CUL9: variants seen among roughly 807,000 people sequenced by gnomAD.
CUL9 encodes the protein cullin 9, also known as cullin-9.
A neutral mutation model predicts 272.6 loss-of-function variants in CUL9; 79 were observed. That is an observed-to-expected ratio of 0.29 (90% confidence interval 0.24 to 0.35). The LOEUF (loss-of-function observed/expected upper bound fraction) is 0.35, where lower values mean the gene tolerates loss of function less well. Ranked by LOEUF, CUL9 falls within the 10% of genes least tolerant of loss-of-function variation. The pLI is 1.00. For synonymous variants in CUL9, 1,186 were observed against 1,286.5 expected (o/e 0.92, Z 1.67); for missense variants, 2,532 against 3,255.6 (o/e 0.78, Z 5.41).
At position 43,195,966 on chromosome 6, in the gene CUL9, C is replaced by A. The variant is rs1371305786; in HGVS notation, c.2389-103C>A. ...TTCTGTCTCCTACTCTACCTATCTG[C>A]AAACAGCTCAGCTGCCCCAAAGTTT... On this transcript the variant is annotated intron_variant, in intron 9 of 40. Coordinates refer to ENST00000252050, the MANE Select transcript of CUL9 (RefSeq NM_015089.4). 2.0e-5 allele frequency: 18 copies of A among 907,178 alleles called. No homozygotes were observed. In the South Asian group the frequency reaches 2.6e-4, roughly 13 times the overall value. 56.2% of individuals were successfully genotyped at this position (907,178 alleles called of 1,614,324 possible).
chr6:43,187,386 G>A lies in CUL9; in HGVS notation c.1528G>A (p.Asp510Asn). The part of the protein sequence containing the change: ...WELLFFIKKL[D>N]LCEQQPIFQN... The stretch of plus-strand genomic sequence containing the variant: ...GCTGCTTTTCTTTATCAAAAAGTTG[G>A]ACTTGTGTGAGCAGCAGCCAATTTT... Residue 510 changes from aspartate to asparagine, a missense_variant, in exon 6 of 41, where the codon GAC (aspartate) becomes AAC (asparagine). Transcript: ENST00000252050. The A allele has an allele frequency of 6.2e-7, 1 of 1,614,082 alleles. No individual in the cohort carries two copies.
chr6:43,184,444 T>C lies in CUL9; in HGVS notation c.134T>C (p.Leu45Pro). The stretch of plus-strand genomic sequence containing the variant: ...GAATACCTGATCCGATGGAGTGTCC[T>C]GAAGTGTGGGGAAGTGGGCAAAGTG... ...HPEYLIRWSV[L>P]KCGEVGKVGV... Residue 45 changes from leucine to proline, a missense_variant, in exon 2 of 41, where the codon CTG becomes CCG. Leu to Pro is a moderately conservative substitution (Grantham distance 98). Coordinates refer to ENST00000252050, the MANE Select transcript of CUL9 (RefSeq NM_015089.4). The surrounding 1 kb of genome is among the most constrained non-coding windows in gnomAD (Gnocchi z 4.8). The C allele has an allele frequency of 1.9e-6, 3 of 1,613,880 alleles. No homozygotes were observed. Among genetic ancestry groups the C allele is most frequent in the Non-Finnish European group, 2.5e-6 (3 of 1,179,904 alleles).
rs1775063803 is a variant in CUL9, at chr6:43,206,590, C to A, written c.5212+80C>A. 3.7e-6 allele frequency: 5 copies of A among 1,355,406 alleles called. No individual in the cohort carries two copies. Among genetic ancestry groups the A allele is most frequent in the Admixed American group, 1.7e-5 (1 of 57,176 alleles). 84.0% of individuals were successfully genotyped at this position (1,355,406 alleles called of 1,614,324 possible). ...AGAGGAAGAGGAGAGGACCTTTGGA[C>A]AGGATATAGATGTGAAGAAAAATAT... is the stretch of plus-strand genomic sequence containing the variant. On this transcript the variant is annotated intron_variant, in intron 26 of 40. Coordinates refer to ENST00000252050, the MANE Select transcript of CUL9 (RefSeq NM_015089.4). This position sits in a 1 kb window ranked among gnomAD's most constrained non-coding sequence, Gnocchi z 4.8.
rs761849501 is a variant in CUL9, at chr6:43,187,808, T to A, written c.1677T>A (p.Thr559=). 6.2e-7 allele frequency: 1 copy of A among 1,613,968 alleles called. No individual in the cohort carries two copies. The highest frequency in any genetic ancestry group is 8.5e-7 in the Non-Finnish European group (1 of 1,179,964). ...QVLSSRFEGS[T]LNDLLNSQIY... is the part of the protein sequence containing the mutation. ...TCAGTAGTCGATTTGAGGGCAGCAC[T>A]CTCAATGACCTGCTCAACTCCCAGA... The change falls in exon 7 of 41, where the codon ACT becomes ACA. Residue 559 remains threonine (T), a synonymous_variant. Coordinates refer to ENST00000252050, the MANE Select transcript of CUL9 (RefSeq NM_015089.4).
Position 43,193,195 on chromosome 6 carries a change from A to T in CUL9, c.2375A>T (p.Gln792Leu), listed in dbSNP as rs137998787. The change falls in exon 9 of 41, where the codon CAG becomes CTG. Residue 792 changes from glutamine to leucine, a missense_variant. Gln to Leu is a moderately radical substitution (Grantham distance 113, BLOSUM62 -2). This residue lies in a region of CUL9 where 2,218 missense variants were observed against 2,788.6 expected (regional missense o/e 0.80). Coordinates refer to ENST00000252050, the MANE Select transcript of CUL9 (RefSeq NM_015089.4). ...TATAAGACTTCTGTCTTGGTGCAGC[A>T]GGCTGGGCTGGCGGTGAGTACATTG... is the stretch of plus-strand genomic sequence containing the variant. ...QEYKTSVLVQQAGLAALKMLA... is the reference protein window; with the variant it reads ...QEYKTSVLVQLAGLAALKMLA... 35 of 1,614,072 alleles carry T rather than the reference A, an allele frequency of 2.2e-5. No homozygotes were observed. Among genetic ancestry groups the T allele is most frequent in the Non-Finnish European group, 2.9e-5 (34 of 1,179,948 alleles).
In CUL9 at chr6:43,196,690, T is replaced by G. The variant is rs1193058564; in HGVS notation, c.2631T>G (p.Leu877=). ...ATGGCTTACTCCTGCTCAACCTACT[T>G]TTGTGCAACCACCACACTCTGGGAG... ...ARNGLLLLNL[L]LCNHHTLGDQ... Residue 877 remains leucine, a synonymous_variant, in exon 11 of 41, where the codon CTT becomes CTG. Coordinates refer to ENST00000252050, the MANE Select transcript of CUL9 (RefSeq NM_015089.4). 3 of 1,614,122 alleles carry G rather than the reference T, an allele frequency of 1.9e-6. No individual in the cohort carries two copies. The South Asian group carries it at 3.3e-5, about 18-fold the overall frequency.
At chr6:43,196,012 C>G (rs1463349516) in intron 9 of CUL9, 57 bp from the exon 10 acceptor site, 1 of 1,481,616 alleles carries the variant, frequency 6.7e-7, no homozygotes, top group Admixed American at 1.8e-5. Flanking sequence ...ATGAGGCCTA[C>G]CTTTCCTCAT....
In CUL9 at chr6:43,196,141, T is replaced by G. The variant is rs1341062408; in HGVS notation, c.2461T>G (p.Ser821Ala). Residue 821 changes from serine (S) to alanine (A), a missense_variant, in exon 10 of 41, where the codon TCT (serine) becomes GCT (alanine). Around this residue, in one of 3 missense-constraint regions of CUL9, gnomAD observed 2,218 missense variants for 2,788.6 expected, o/e 0.80. Transcript: ENST00000252050. ...TGTTACTGGCCGAGATTCTATCCAC[T>G]CTTTGTTTGATGCTCAGATGACCAG... is the stretch of plus-strand genomic sequence containing the variant. ...TFVTGRDSIH[S>A]LFDAQMTREI... 6.2e-7 allele frequency: 1 copy of G among 1,614,182 alleles called. No individual in the cohort carries two copies. The highest frequency in any genetic ancestry group is 8.5e-7 in the Non-Finnish European group (1 of 1,180,032).
rs150731223 is a variant in CUL9, at chr6:43,209,622, C to A, written c.5212+3112C>A. Among the ~76,000 whole-genome samples the A allele has an allele frequency of 4.6e-5, 7 of 152,182 alleles. No homozygotes were observed. The East Asian group carries it at 1.2e-3, about 25-fold the overall frequency. On this transcript the variant is annotated intron_variant, in intron 26 of 40. Coordinates refer to ENST00000252050, the MANE Select transcript of CUL9 (RefSeq NM_015089.4). ...TTTGTCTTTTATGACATTGAGATTT[C>A]TGGAGAATACGGTCCTTTTCTTTTC...
Position 43,186,313 on chromosome 6 carries a change from C to T in CUL9, c.1109C>T (p.Ser370Phe), listed in dbSNP as rs1772906258. The T allele has an allele frequency of 6.2e-7, 1 of 1,614,240 alleles. No individual in the cohort carries two copies. The highest frequency in any genetic ancestry group is 8.5e-7 in the Non-Finnish European group (1 of 1,180,056). The change falls in exon 4 of 41, where the codon TCC (serine) becomes TTC (phenylalanine). Residue 370 changes from serine (S) to phenylalanine (F), a missense_variant. Ser to Phe is a radical substitution (Grantham distance 155). This residue lies in a region of CUL9 where 2,218 missense variants were observed against 2,788.6 expected (regional missense o/e 0.80). Transcript: ENST00000252050. ...GTCTTCCGCCAGCGCTCTGAATTCT[C>T]CAGCCGTAGTGGCTATGGAGAATAT... ...GWVFRQRSEF[S>F]SRSGYGEYVQ...
At chr6:43,191,253 TGTGTG>T (rs1381327707) in intron 8 of CUL9, among the ~76,000 whole-genome samples, 1 of 27,686 alleles carries the variant, frequency 3.6e-5, no homozygotes, top group Non-Finnish European at 7.0e-5. Flanking sequence ...TAAATTGCAT[TGTGTG>T]TGTGTGTGTG....
chr6:43,221,117 T>C lies in CUL9; in HGVS notation c.6589-41T>C, dbSNP rs748958679. 11 of 1,601,184 alleles carry C rather than the reference T, an allele frequency of 6.9e-6. No homozygotes were observed. The highest frequency in any genetic ancestry group is 9.4e-6 in the Non-Finnish European group (11 of 1,175,194). On this transcript the variant is annotated intron_variant, in intron 33 of 40. Transcript: ENST00000252050. This position sits in a 1 kb window ranked among gnomAD's most constrained non-coding sequence, Gnocchi z 4.2. ...CCTGTGCACACCAGCCATGCTGCCC[T>C]CACGGCTCAGCTGTGTCCCCACCAT...
Position 43,191,507 on chromosome 6 carries a change from C to CTTTTTTTTTTTTT in CUL9, c.2181-1489_2181-1488insTTTTTTTTTTTTT, listed in dbSNP as rs1554167922. On this transcript the variant is annotated intron_variant, in intron 8 of 40. Coordinates refer to ENST00000252050, the MANE Select transcript of CUL9 (RefSeq NM_015089.4). Reference sequence around the variant, plus strand: ...TTTTTTTTTTTTTTTTTTTTTTTTACTTTTTGTAGAGATGGGGTCTCACTA... The same window carrying CTTTTTTTTTTTTT: ...TTTTTTTTTTTTTTTTTTTTTTTTACTTTTTTTTTTTTTTTTTTGTAGAGATGGGGTCTCACTA... 1.4e-3 allele frequency among the ~76,000 whole-genome samples: 103 copies of CTTTTTTTTTTTTT among 73,054 alleles called. 1 individual carries two copies. Among genetic ancestry groups the CTTTTTTTTTTTTT allele is most frequent in the African/African-American group, 4.0e-3 (61 of 15,298 alleles). The allele number at this position is 73,054 out of a possible 152,430, so 47.9% of individuals were successfully genotyped here. A position where few individuals can be genotyped will look rare whatever the true frequency, so the allele number is the denominator to read the frequency against.
chr6:43,182,516 G>T (rs778520192), intron 1 of CUL9, among the ~76,000 whole-genome samples: 1 of 150,356 alleles, frequency 6.7e-6, no homozygotes, highest in Non-Finnish European at 1.5e-5. Flanking sequence ...TCATCCATGC[G>T]TCCAGAGCTC....
At position 43,213,683 on chromosome 6, in the gene CUL9, C is replaced by T. The variant is rs929731482; in HGVS notation, c.5489-30C>T. ...CCCCATTCATCTGTCCCTCTGCCTC[C>T]TCTGGTACCTGACCGGGAGCGGGTT... On this transcript the variant is annotated intron_variant, in intron 28 of 40. Transcript: ENST00000252050. The surrounding 1 kb of genome is among the most constrained non-coding windows in gnomAD (Gnocchi z 5.7). 6 of 1,609,710 alleles carry T rather than the reference C, an allele frequency of 3.7e-6. No homozygotes were observed. The African/African-American group carries it at 8.0e-5, about 21-fold the overall frequency.
In CUL9 at chr6:43,204,530, A is replaced by C. The variant is rs1391748600; in HGVS notation, c.4330A>C (p.Thr1444Pro). ...PPPGPSPEPS[T>P]RPFSKNSKGR... is the part of the protein sequence containing the mutation. ...TCCTGGGCCTTCTCCTGAGCCATCC[A>C]CTCGGCCCTGTAAGTCCCAGCTGTG... is the stretch of plus-strand genomic sequence containing the variant. Residue 1444 changes from threonine to proline, a missense_variant, in exon 21 of 41, where the codon ACT becomes CCT. Coordinates refer to ENST00000252050, the MANE Select transcript of CUL9 (RefSeq NM_015089.4). 6 of 1,613,530 alleles carry C rather than the reference A, an allele frequency of 3.7e-6. No individual in the cohort carries two copies. The highest frequency in any genetic ancestry group is 5.1e-6 in the Non-Finnish European group (6 of 1,179,982).
rs766926307 is a variant in CUL9, at chr6:43,200,043, C to T, written c.3271C>T (p.His1091Tyr). Residue 1091 changes from histidine to tyrosine, a missense_variant, in exon 14 of 41, where the codon CAC becomes TAC. His to Tyr is a moderately conservative substitution (Grantham distance 83). Coordinates refer to ENST00000252050, the MANE Select transcript of CUL9 (RefSeq NM_015089.4). This position sits in a 1 kb window ranked among gnomAD's most constrained non-coding sequence, Gnocchi z 4.0. ...GATCCTCTCCAAAGTCCTGGACAAG[C>T]ACTCAGCTCAGCTGCTGCTGGGCTG... is the stretch of plus-strand genomic sequence containing the variant. ...KEILSKVLDK[H>Y]SAQLLLGCEL... The T allele has an allele frequency of 4.0e-5, 64 of 1,614,124 alleles. No homozygotes were observed. The highest frequency in any genetic ancestry group is 1.7e-6 in the Non-Finnish European group (2 of 1,180,050).
Position 43,220,651 on chromosome 6 carries a change from C to T in CUL9, c.6423+52C>T, listed in dbSNP as rs113079370. On this transcript the variant is annotated intron_variant, in intron 32 of 40. Coordinates refer to ENST00000252050, the MANE Select transcript of CUL9 (RefSeq NM_015089.4). The surrounding 1 kb of genome is among the most constrained non-coding windows in gnomAD (Gnocchi z 4.9). ...CCAGTGCAGAGCCAAAGGAGTGTGC[C>T]CCAGGGAGTGGGCTGAGCTATGGGG... 38 of 1,609,044 alleles carry T rather than the reference C, an allele frequency of 2.4e-5. 1 individual carries two copies. In the African/African-American group the frequency reaches 2.9e-4, roughly 12 times the overall value.
chr6:43,195,302 T>A (rs553883134), intron 9 of CUL9, among the ~76,000 whole-genome samples: 6 of 152,328 alleles, frequency 3.9e-5, no homozygotes, highest in African/African-American at 1.2e-4. Flanking sequence ...TCCACTCTGA[T>A]TGTATAGTGT....
Sources: allele counts gnomAD v4.1 joint callset (sites outside exome capture counted in the v4.1 genomes callset), GRCh38; gene constraint gnomAD v4.1.1; regional missense constraint gnomAD v4.1.1; non-coding constraint Gnocchi (gnomAD v3.1); transcripts MANE v1.5; gene names NCBI Gene and HGNC (gene_info 2026-07-23, HGNC 2026-07-21).